Variants in DOK7 observed in about 807,000 individuals in gnomAD.
DOK7 encodes protein Dok-7.
DOK7 carries 32 observed loss-of-function variants against 30.7 expected under a neutral mutation model. That is an observed-to-expected ratio of 1.04 (90% CI 0.79 to 1.40). The LOEUF (loss-of-function observed/expected upper bound fraction) is 1.40. DOK7 is among the 40% of genes most tolerant of loss of function. The probability of loss-of-function intolerance (pLI) is 0.00; values close to 1 mark genes in which losing one functional copy is unlikely to be tolerated. For synonymous variants in DOK7, 447 were observed against 324.1 expected (o/e 1.38, Z -4.07); for missense variants, 1,007 against 699.2 (o/e 1.44, Z -4.97).
At chr4:3,500,814 G>A in exon 8 of DOK7, 1 of 1,531,940 alleles carries the variant, frequency 6.5e-7, no homozygotes, top group Non-Finnish European at 8.7e-7. Context: ...GAGGAAGGCA[G>A]CCCCGCAGTG....
At chr4:3,466,887 C>T (rs529878830) in intron 2 of DOK7, among the ~76,000 whole-genome samples, 25 of 152,334 alleles carry the variant, frequency 1.6e-4, no homozygotes, top group African/African-American at 5.8e-4. Flanking sequence ...GGCACCCTCA[C>T]GCGTTTCCTT....
chr4:3,494,403 C>A lies in DOK7; in HGVS notation c.*902C>A, dbSNP rs1005456283. On this transcript the variant is annotated 3_prime_UTR_variant, in exon 7 of 7. Transcript: ENST00000340083. ...CAGCCCAGCAGCTCCCTGTGAACACCTCTTTGTCCCTTCACTGTCAGCTGT... is the reference window on the plus strand; with the variant it reads ...CAGCCCAGCAGCTCCCTGTGAACACATCTTTGTCCCTTCACTGTCAGCTGT... 12 of 985,710 alleles carry A rather than the reference C, an allele frequency of 1.2e-5. No individual in the cohort carries two copies. Among genetic ancestry groups the A allele is most frequent in the Non-Finnish European group, 1.1e-5 (9 of 830,212 alleles). The allele number at this position is 985,710 out of a possible 1,614,324, so 61.1% of individuals were successfully genotyped here. A position where few individuals can be genotyped will look rare whatever the true frequency, so the allele number is the denominator to read the frequency against.
Position 3,493,941 on chromosome 4 carries a change from T to TA in DOK7, c.*442dup. The TA allele has an allele frequency of 9.9e-7, 1 of 1,013,460 alleles. No individual in the cohort carries two copies. Among genetic ancestry groups the TA allele is most frequent in the Non-Finnish European group, 1.2e-6 (1 of 849,314 alleles). The allele number at this position is 1,013,460 out of a possible 1,614,324, so 62.8% of individuals were successfully genotyped here. On this transcript the variant is annotated 3_prime_UTR_variant, in exon 7 of 7. Coordinates refer to ENST00000340083, the MANE Select transcript of DOK7 (RefSeq NM_173660.5). ...TCTCTGGGGCAGTCACACCACCTGT[T>TA]AAGCATCAAGCTACCACAGAGGCTC...
intron 5 of DOK7, among the ~76,000 whole-genome samples, chr4:3,488,165 G>A (rs968308571): frequency 6.6e-6 from 1 of 152,238 alleles, no homozygotes; most frequent in Non-Finnish European, 1.5e-5. Flanking sequence ...GCTACAGACA[G>A]GGCCACAGGG....
intron 6 of DOK7, among the ~76,000 whole-genome samples, chr4:3,490,186 C>CTGCT (rs1728159919): frequency 2.8e-5 from 2 of 70,518 alleles, no homozygotes; most frequent in Non-Finnish European, 5.5e-5. Flanking sequence ...TCCGCCCCCC[C>CTGCT]CACTCATTCC....
downstream of DOK7, among the ~76,000 whole-genome samples, chr4:3,497,145 A>C (rs1291159562): frequency 2.0e-5 from 3 of 151,902 alleles, no homozygotes; most frequent in Non-Finnish European, 4.4e-5. Flanking sequence ...GGTAGAGGGC[A>C]GGCTGCTGGA....
intron 3 of DOK7, among the ~76,000 whole-genome samples, chr4:3,475,989 C>T (rs929976534): frequency 2.0e-5 from 3 of 152,044 alleles, no homozygotes; most frequent in African/African-American, 7.2e-5. Context: ...GTGCCATTTG[C>T]TCATCCTGCC....
In DOK7 at chr4:3,491,521, GTTCATTCATTTCTTCCTTCTCCCACCTA is replaced by G. The variant is rs1262174633; in HGVS notation, c.773-1227_773-1200del. On this transcript the variant is annotated intron_variant, in intron 6 of 6. Coordinates refer to ENST00000340083, the MANE Select transcript of DOK7 (RefSeq NM_173660.5). ...CTCCGCTTATTCCTTCCTTCTGTCT[GTTCATTCATTTCTTCCTTCTCCCACCTA>G]TTCATTCATTCCTTCCTTCACTTAT... is the stretch of plus-strand genomic sequence containing the variant. Among the ~76,000 whole-genome samples the G allele has an allele frequency of 6.0e-3, 426 of 70,738 alleles. 2 individuals carry two copies. The highest frequency in any genetic ancestry group is 0.018 in the African/African-American group (409 of 23,220). 46.4% of individuals were successfully genotyped at this position (70,738 alleles called of 152,430 possible). A position where few individuals can be genotyped will look rare whatever the true frequency, so the allele number is the denominator to read the frequency against.
intron 2 of DOK7, among the ~76,000 whole-genome samples, chr4:3,466,230 C>G (rs555168542): frequency 6.6e-6 from 1 of 152,316 alleles, no homozygotes; most frequent in Admixed American, 6.5e-5. Flanking sequence ...GCTGGAAGTT[C>G]CGCGCCTGCC....
rs1384295680 is a variant in DOK7, at chr4:3,500,565, A to C, written c.1262-127A>C. The C allele has an allele frequency of 6.7e-6, 10 of 1,494,582 alleles. No individual in the cohort carries two copies. The Admixed American group carries it at 2.1e-4, about 31-fold the overall frequency. The allele number at this position is 1,494,582 out of a possible 1,614,324, so 92.6% of individuals were successfully genotyped here. ...CCCCAACTCCATCCCTGGCCAGGCCACATCCCCTGAGGGTGTCCCCACTCA... is the reference window on the plus strand; with the variant it reads ...CCCCAACTCCATCCCTGGCCAGGCCCCATCCCCTGAGGGTGTCCCCACTCA... On this transcript the variant is annotated intron_variant, in intron 7 of 7. Transcript: ENST00000643608.
intron 5 of DOK7, among the ~76,000 whole-genome samples, chr4:3,486,001 C>T (rs1014882099): frequency 7.2e-5 from 11 of 151,988 alleles, no homozygotes; most frequent in Admixed American, 3.9e-4. Context: ...CCATCTTCCA[C>T]GCCCAGGAGC....
chr4:3,463,415 C>T lies in DOK7; in HGVS notation c.40C>T (p.Arg14Trp). The change falls in exon 1 of 7, where the codon CGG becomes TGG. Residue 14 changes from arginine to tryptophan, a missense_variant. Physicochemically the swap from Arg to Trp is moderately radical, Grantham distance 101. Coordinates refer to ENST00000340083, the MANE Select transcript of DOK7 (RefSeq NM_173660.5). ...AALVEGQVKL[R>W]DGKKWKSRWL... ...GCTGGTGGAGGGCCAGGTCAAGCTGCGGGACGGCAAGAAGGTCGGGGCGCG... is the reference window on the plus strand; with the variant it reads ...GCTGGTGGAGGGCCAGGTCAAGCTGTGGGACGGCAAGAAGGTCGGGGCGCG... The T allele has an allele frequency of 1.8e-6, 2 of 1,139,392 alleles. No homozygotes were observed. The highest frequency in any genetic ancestry group is 1.1e-6 in the Non-Finnish European group (1 of 888,904). The allele number at this position is 1,139,392 out of a possible 1,614,324, so 70.6% of individuals were successfully genotyped here.
intron 4 of DOK7, chr4:3,485,248 CG>C (rs1727693705): frequency 3.0e-6 from 1 of 337,890 alleles, no homozygotes; most frequent in African/African-American, 2.1e-5. Flanking sequence ...CTAGGATGGG[CG>C]GGGCAGCACT....
chr4:3,468,187 G>GGTGTGTGTGCACAAGTGT, intron 2 of DOK7, among the ~76,000 whole-genome samples: 1 of 143,470 alleles, frequency 7.0e-6, no homozygotes, highest in East Asian at 2.0e-4. Context: ...TGTGTGTGGG[G>GGTGTGTGTGCACAAGTGT]GTGTGTGTGC....
At chr4:3,490,980 CTCCTGCTCATTCAT>C (rs1728348563) in intron 6 of DOK7, among the ~76,000 whole-genome samples, 1 of 114,712 alleles carries the variant, frequency 8.7e-6, no homozygotes, top group Non-Finnish European at 1.8e-5. Context: ...CTTCATTTCC[CTCCTGCTCATTCAT>C]TCCTTCCTTC....
intron 5 of DOK7, among the ~76,000 whole-genome samples, chr4:3,486,906 G>T (rs1393497850): frequency 6.6e-6 from 1 of 152,100 alleles, no homozygotes; most frequent in African/African-American, 2.4e-5. Context: ...GCTCTCTCCT[G>T]CTCCCCTCAG....
chr4:3,479,309 T>A (rs1727300032), intron 4 of DOK7, among the ~76,000 whole-genome samples: 1 of 152,208 alleles, frequency 6.6e-6, no homozygotes, highest in Non-Finnish European at 1.5e-5. Context: ...GGTGACCCCA[T>A]CCCGAGACCA....
chr4:3,474,649 C>G (rs1360494372), intron 3 of DOK7, among the ~76,000 whole-genome samples: 2 of 152,180 alleles, frequency 1.3e-5, no homozygotes, highest in Non-Finnish European at 2.9e-5. Context: ...TAGCGAAGCC[C>G]CATCTCTACT....
At chr4:3,501,174 T>C (rs114786704) in exon 8 of DOK7, 5,648 of 317,106 alleles carry the variant, frequency 0.018, 122 homozygotes, top group South Asian at 0.058. Context: ...TTGTGGTGCC[T>C]GGGATGCAAA....
Sources: gnomAD v4.1 joint callset for allele counts (sites outside exome capture counted in the v4.1 genomes callset) on GRCh38, gnomAD v4.1.1 for gene constraint, MANE v1.5 for transcripts, NCBI Gene and HGNC (gene_info 2026-07-23, HGNC 2026-07-21) for gene names.